The following ALDH1A1 variants were observed in gnomAD, a reference collection of about 807,000 sequenced individuals.
The protein encoded by ALDH1A1 is aldehyde dehydrogenase 1 family member A1, also known as aldehyde dehydrogenase 1A1.
Under a neutral mutation model 62.1 loss-of-function variants are expected in ALDH1A1, and 19 were observed. The observed-to-expected ratio is 0.31, with a 90% CI of 0.21 to 0.45. The LOEUF (loss-of-function observed/expected upper bound fraction) is 0.45. ALDH1A1 is among the 20% of genes least tolerant of loss of function. ALDH1A1 has a pLI of 1.00. For missense variants in ALDH1A1, 521 were observed against 607.1 expected, an observed-to-expected ratio of 0.86 and a Z score of 1.49; for synonymous variants, 231 against 215.9, an observed-to-expected ratio of 1.07 and a Z score of -0.61.
chr9:72,942,095 G>A (rs1229721946), intron 1 of ALDH1A1, among the ~76,000 whole-genome samples: 1 of 152,068 alleles, frequency 6.6e-6, no homozygotes, highest in Non-Finnish European at 1.5e-5. Flanking sequence ...AAAACACTAG[G>A]CTCTTAGATC....
At chr9:72,927,652 C>T (rs1311646911) in intron 4 of ALDH1A1, among the ~76,000 whole-genome samples, 1 of 151,906 alleles carries the variant, frequency 6.6e-6, no homozygotes, top group Non-Finnish European at 1.5e-5. Flanking sequence ...CAAAGTTCTA[C>T]CAATAAGAGA....
intron 1 of ALDH1A1, among the ~76,000 whole-genome samples, chr9:72,948,689 A>G (rs1830502374): frequency 6.6e-6 from 1 of 151,882 alleles, no homozygotes; most frequent in Admixed American, 6.6e-5. Context: ...CTAATTTCTG[A>G]TTAAAGCATT....
At chr9:72,919,086 G>A (rs961804822) in intron 7 of ALDH1A1, among the ~76,000 whole-genome samples, 1 of 152,054 alleles carries the variant, frequency 6.6e-6, no homozygotes, top group Non-Finnish European at 1.5e-5. Context: ...GGCACTTTTA[G>A]ATATGTAAAG....
rs1195779259 is a variant in ALDH1A1, at chr9:72,930,853, A to G, written c.312+26T>C. On this transcript the variant is annotated intron_variant, in intron 3 of 12. Transcript: ENST00000297785. ...CTGAATGCTTTTGAGAGCTCTAGCT[A>G]CCCATCCAGCTTGGATAATACTCAC... is the stretch of plus-strand genomic sequence containing the variant. The G allele has an allele frequency of 1.9e-6, 3 of 1,613,342 alleles. No homozygotes were observed. The Admixed American group carries it at 5.0e-5, about 27-fold the overall frequency.
chr9:72,930,282 T>C (rs1012429631), intron 3 of ALDH1A1, among the ~76,000 whole-genome samples: 2 of 152,194 alleles, frequency 1.3e-5, no homozygotes, highest in Admixed American at 6.5e-5. Flanking sequence ...CATAAAAACA[T>C]GATTTTGATA....
chr9:72,922,490 G>A (rs8187944), intron 7 of ALDH1A1, among the ~76,000 whole-genome samples: 1 of 152,136 alleles, frequency 6.6e-6, no homozygotes, highest in Admixed American at 6.5e-5. Flanking sequence ...AGAAGGAGTA[G>A]GCATAGGATC....
rs1350487990 is a variant in ALDH1A1, at chr9:72,927,159, T to G, written c.461A>C (p.Tyr154Ser). The G allele has an allele frequency of 6.2e-7, 1 of 1,607,100 alleles. No individual in the cohort carries two copies. Among genetic ancestry groups the G allele is most frequent in the Non-Finnish European group, 8.5e-7 (1 of 1,176,572 alleles). Reference protein sequence around the residue: ...TIPIDGNFFTYTRHEPIGVCG... With the variant: ...TIPIDGNFFTSTRHEPIGVCG... ...TACACCAATAGGTTCATGTCTTGTA[T>G]ATGTAAAAAAATTTCCATCTGAAAA... Residue 154 changes from tyrosine to serine, a missense_variant, in exon 5 of 13, where the codon TAT becomes TCT. Transcript: ENST00000297785.
chr9:72,920,047 A>G (rs1036713744), intron 7 of ALDH1A1, among the ~76,000 whole-genome samples: 3 of 151,972 alleles, frequency 2.0e-5, no homozygotes, highest in Non-Finnish European at 2.9e-5. Context: ...GCAATTCACT[A>G]TTTTGCTTCT....
rs187088221 is a variant in ALDH1A1, at chr9:72,951,709, G to A, written c.66+1226C>T. ...CTTTGCCAAATGTAAATTGTTTGAC[G>A]GTATGGATTTACTGCATTTTTCATG... On this transcript the variant is annotated intron_variant, in intron 1 of 12. Transcript: ENST00000297785. 4.0e-4 allele frequency among the ~76,000 whole-genome samples: 61 copies of A among 151,894 alleles called. 1 individual carries two copies. The highest frequency in any genetic ancestry group is 4.0e-3 in the Admixed American group (61 of 15,210).
intron 2 of ALDH1A1, among the ~76,000 whole-genome samples, chr9:72,937,556 A>C (rs8187900): frequency 7.4e-4 from 113 of 152,296 alleles, no homozygotes; most frequent in Admixed American, 5.0e-3. Context: ...AGAATCTCAA[A>C]GAAGGTTAAG....
At chr9:72,928,657 T>C (rs1344674837) in intron 4 of ALDH1A1, among the ~76,000 whole-genome samples, 1 of 152,220 alleles carries the variant, frequency 6.6e-6, no homozygotes, top group African/African-American at 2.4e-5. Context: ...ACTTTGACAT[T>C]TTCTAAAATA....
chr9:72,908,892 C>T (rs1829941488), intron 11 of ALDH1A1, among the ~76,000 whole-genome samples: 1 of 152,102 alleles, frequency 6.6e-6, no homozygotes, highest in Admixed American at 6.6e-5. Flanking sequence ...AAAATTCAAT[C>T]TTTCAAAAAT....
chr9:72,921,535 T>TTA (rs1830145112), intron 7 of ALDH1A1, among the ~76,000 whole-genome samples: 1 of 148,232 alleles, frequency 6.7e-6, no homozygotes, highest in South Asian at 2.2e-4. Context: ...TTTTTTTTTT[T>TTA]AATTATACTC....
At chr9:72,909,230 C>T (rs1231802280) in intron 11 of ALDH1A1, among the ~76,000 whole-genome samples, 2 of 135,040 alleles carry the variant, frequency 1.5e-5, no homozygotes, top group Non-Finnish European at 3.0e-5. Context: ...GGCATGATCT[C>T]GGCTCACTGC....
chr9:72,945,931 T>C (rs662728), intron 1 of ALDH1A1, among the ~76,000 whole-genome samples: 150,765 of 152,158 alleles, frequency 0.99, 74,711 homozygotes, highest in Middle Eastern at 1. Context: ...CTTTCATTTG[T>C]TTTAAATGAT....
At chr9:72,908,156 A>G (rs1829900193) in intron 11 of ALDH1A1, among the ~76,000 whole-genome samples, 2 of 152,046 alleles carry the variant, frequency 1.3e-5, no homozygotes, top group Non-Finnish European at 2.9e-5. Context: ...ATGGTGGCTC[A>G]GGCCTGTAAT....
chr9:72,909,456 C>A (rs752383360), intron 11 of ALDH1A1, 146 bp downstream of exon 11: 110 of 758,988 alleles, frequency 1.4e-4, no homozygotes, highest in Non-Finnish European at 2.0e-4. Context: ...CCGCACCCAG[C>A]CTTTTGTTTG....
In ALDH1A1 at chr9:72,933,592, CAAAAAAAAA is replaced by C. The variant is rs60011646; in HGVS notation, c.172-2582_172-2574del. 2.8e-4 allele frequency among the ~76,000 whole-genome samples: 31 copies of C among 111,728 alleles called. No homozygotes were observed. The South Asian group carries it at 2.9e-3, about 10-fold the overall frequency. 73.3% of individuals were successfully genotyped at this position (111,728 alleles called of 152,430 possible). ...ATAGAGTAAGACCCTCATCTCAAAA[CAAAAAAAAA>C]AAAAAAAAAAAAGAAAAAGCAAGAC... On this transcript the variant is annotated intron_variant, in intron 2 of 12. Transcript: ENST00000297785.
At chr9:72,907,556 A>AGTAAATTTGCTCATT (rs1334172545) in intron 11 of ALDH1A1, among the ~76,000 whole-genome samples, 23 of 152,214 alleles carry the variant, frequency 1.5e-4, no homozygotes, top group Non-Finnish European at 3.1e-4. Context: ...AAGTGCAGAG[A>AGTAAATTTGCTCATT]GTAAATTTGC....
Sources: allele counts gnomAD v4.1 joint callset (sites outside exome capture counted in the v4.1 genomes callset), GRCh38; gene constraint gnomAD v4.1.1; transcripts MANE v1.5; gene names NCBI Gene and HGNC (gene_info 2026-07-23, HGNC 2026-07-21).